PPP3CA: variants seen among roughly 807,000 people sequenced by gnomAD.
The protein encoded by PPP3CA is CAM-PRP catalytic subunit.
Under a neutral mutation model 66.5 loss-of-function variants are expected in PPP3CA, and 14 were observed. That is an observed-to-expected ratio of 0.21 (90% confidence interval 0.14 to 0.33). The LOEUF (loss-of-function observed/expected upper bound fraction) is 0.33. PPP3CA is among the 10% of genes least tolerant of loss of function. PPP3CA has a pLI of 1.00. For missense variants in PPP3CA, 317 were observed against 639.5 expected, an observed-to-expected ratio of 0.50 and a Z score of 5.44; for synonymous variants, 232 against 226.2, an observed-to-expected ratio of 1.03 and a Z score of -0.23.
chr4:101,134,725 C>G (rs191335672), intron 2 of PPP3CA, among the ~76,000 whole-genome samples: 21 of 152,300 alleles, frequency 1.4e-4, no homozygotes, highest in Non-Finnish European at 1.8e-4. Context: ...AATCTTATTA[C>G]TGGGTATATA....
In PPP3CA at chr4:101,056,433, G is replaced by A. The variant is rs114635348; in HGVS notation, c.1156+4654C>T. On this transcript the variant is annotated intron_variant, in intron 10 of 13. Transcript: ENST00000394854. Reference sequence around the variant, plus strand: ...TGACAGATTCTGAAGGAAATGAGGAGCATCTCTAAATTGCTATAGGCGCAT... The same window carrying A: ...TGACAGATTCTGAAGGAAATGAGGAACATCTCTAAATTGCTATAGGCGCAT... Among the ~76,000 whole-genome samples, 1,323 of 152,164 alleles carry A rather than the reference G, an allele frequency of 8.7e-3. 34 individuals are homozygous for A. Among genetic ancestry groups the A allele is most frequent in the African/African-American group, 0.03 (1,261 of 41,536 alleles).
intron 11 of PPP3CA, among the ~76,000 whole-genome samples, chr4:101,040,231 G>A (rs1578395881): frequency 6.6e-6 from 1 of 152,218 alleles, no homozygotes; most frequent in East Asian, 1.9e-4. Flanking sequence ...AAGTCCTATA[G>A]CAAATAGAGG....
intron 2 of PPP3CA, among the ~76,000 whole-genome samples, chr4:101,138,209 C>G (rs1178495347): frequency 6.6e-6 from 1 of 152,128 alleles, no homozygotes; most frequent in Non-Finnish European, 1.5e-5. Context: ...CTCATCAATC[C>G]CTTTGGAGAA....
intron 1 of PPP3CA, among the ~76,000 whole-genome samples, chr4:101,219,236 T>TAAA (rs1725548807): frequency 6.6e-6 from 1 of 152,028 alleles, no homozygotes; most frequent in East Asian, 1.9e-4. Context: ...ATCCAGATTA[T>TAAA]TCTTCTACTT....
intron 1 of PPP3CA, among the ~76,000 whole-genome samples, chr4:101,340,340 T>C (rs537190300): frequency 1.3e-5 from 2 of 152,302 alleles, no homozygotes; most frequent in South Asian, 4.1e-4. Flanking sequence ...CTCTCTATGA[T>C]GGTCTCAAAA....
intron 1 of PPP3CA, among the ~76,000 whole-genome samples, chr4:101,298,685 A>T (rs1728271924): frequency 6.6e-6 from 1 of 152,188 alleles, no homozygotes; most frequent in Non-Finnish European, 1.5e-5. Flanking sequence ...CATATAACAT[A>T]CACAGTATAT....
intron 2 of PPP3CA, among the ~76,000 whole-genome samples, chr4:101,160,487 C>T (rs904864163): frequency 5.9e-5 from 9 of 152,078 alleles, no homozygotes; most frequent in East Asian, 1.9e-4. Context: ...TGTGGGAGTC[C>T]GATCATGGTA....
chr4:101,279,232 CA>C (rs199753029), intron 1 of PPP3CA, among the ~76,000 whole-genome samples: 3 of 149,736 alleles, frequency 2.0e-5, no homozygotes, highest in South Asian at 2.1e-4. Context: ...ATGGCAAGGT[CA>C]AAAAAAAATG....
intron 1 of PPP3CA, among the ~76,000 whole-genome samples, chr4:101,324,693 C>CA (rs11316297): frequency 8.9e-4 from 124 of 140,090 alleles, no homozygotes; most frequent in Non-Finnish European, 1.2e-3. Context: ...AATGGAACAA[C>CA]AAAAAAAAAA....
intron 2 of PPP3CA, among the ~76,000 whole-genome samples, chr4:101,152,374 C>T (rs1723171241): frequency 6.6e-6 from 1 of 152,168 alleles, no homozygotes; most frequent in Non-Finnish European, 1.5e-5. Context: ...TAAAATAATA[C>T]ATCTATAATG....
intron 13 of PPP3CA, 72 bp from the exon 14 acceptor site, chr4:101,026,133 C>A (rs1726637829): frequency 7.6e-7 from 1 of 1,322,100 alleles, no homozygotes; most frequent in African/African-American, 1.5e-5. Context: ...GCTGTTGCAG[C>A]AGGTGATGTT....
At chr4:101,091,858 T>TG (rs1453334694) in intron 6 of PPP3CA, among the ~76,000 whole-genome samples, 32 of 143,052 alleles carry the variant, frequency 2.2e-4, no homozygotes, top group Admixed American at 6.9e-4. Context: ...ATAATAATAA[T>TG]AATAATGAAG....
chr4:101,323,819 A>C (rs906716515), intron 1 of PPP3CA, among the ~76,000 whole-genome samples: 2 of 152,098 alleles, frequency 1.3e-5, no homozygotes, highest in African/African-American at 4.8e-5. Flanking sequence ...ATGACAAGAA[A>C]ATGGAGGCAC....
At chr4:101,226,458 G>T (rs1725785288) in intron 1 of PPP3CA, among the ~76,000 whole-genome samples, 1 of 151,682 alleles carries the variant, frequency 6.6e-6, no homozygotes, top group African/African-American at 2.4e-5. Flanking sequence ...AGAGGCTGCA[G>T]ACTACTGATA....
intron 12 of PPP3CA, among the ~76,000 whole-genome samples, chr4:101,031,206 T>C (rs556795242): frequency 4.6e-5 from 7 of 152,220 alleles, no homozygotes; most frequent in South Asian, 2.1e-4. Context: ...TAGAAGTTTA[T>C]TGAATAATAT....
chr4:101,177,568 A>G, intron 2 of PPP3CA, among the ~76,000 whole-genome samples: 1 of 152,144 alleles, frequency 6.6e-6, no homozygotes, highest in East Asian at 1.9e-4. Context: ...TAAACAAAAC[A>G]ACTATACTTT....
chr4:101,106,456 A>AG (rs769269015), intron 3 of PPP3CA, among the ~76,000 whole-genome samples: 2,300 of 23,362 alleles, frequency 0.098, 473 homozygotes, highest in Middle Eastern at 0.22. Context: ...AAAGAAAGAG[A>AG]AAAGAAAAGA....
At chr4:101,182,620 G>A (rs927607861) in intron 2 of PPP3CA, among the ~76,000 whole-genome samples, 8 of 152,126 alleles carry the variant, frequency 5.3e-5, no homozygotes, top group Admixed American at 3.9e-4. Flanking sequence ...CAGGGTTTGC[G>A]GCAGGGACTG....
chr4:101,139,518 G>T (rs1429297849), intron 2 of PPP3CA, among the ~76,000 whole-genome samples: 3 of 152,086 alleles, frequency 2.0e-5, no homozygotes, highest in Admixed American at 2.0e-4. Context: ...ATTATGCCTT[G>T]CATCTGTACA....
Sources: gnomAD v4.1 joint callset for allele counts (sites outside exome capture counted in the v4.1 genomes callset) on GRCh38, gnomAD v4.1.1 for gene constraint, MANE v1.5 for transcripts, NCBI Gene and HGNC (gene_info 2026-07-23, HGNC 2026-07-21) for gene names.